The following ZNF385D variants were observed in gnomAD, a reference collection of about 807,000 sequenced individuals.
ZNF385D encodes zinc finger protein 385D.
ZNF385D carries 15 observed loss-of-function variants against 35.8 expected under a neutral mutation model. The observed-to-expected ratio is 0.42, with a 90% CI of 0.28 to 0.64. ZNF385D has a LOEUF of 0.64. Among genes scored for constraint, ZNF385D ranks in the 30% least tolerant of loss-of-function variants. The pLI is 0.23. For missense variants in ZNF385D, 474 were observed against 494.6 expected (o/e 0.96, Z 0.39); for synonymous variants, 212 against 186.8 (o/e 1.13, Z -1.10).
chr3:21,559,907 G>C (rs1257720055), intron 3 of ZNF385D, among the ~76,000 whole-genome samples: 2 of 151,772 alleles, frequency 1.3e-5, no homozygotes, highest in Admixed American at 1.3e-4. Context: ...TATTTAAGTT[G>C]ATCTTCAAGC....
At chr3:21,461,354 C>A (rs193101542) in intron 4 of ZNF385D, among the ~76,000 whole-genome samples, 53 of 152,134 alleles carry the variant, frequency 3.5e-4, no homozygotes, top group African/African-American at 1.2e-3. Context: ...TTTGAGACCA[C>A]CTAGCCAACA....
chr3:21,706,814 TGATAGATAGATAGATA>T (rs67457933), intron 1 of ZNF385D, among the ~76,000 whole-genome samples: 22,893 of 150,258 alleles, frequency 0.15, 1,987 homozygotes, highest in Admixed American at 0.26. Flanking sequence ...AGATAATAGA[TGATAGATAGATAGATA>T]GATAGATAGA....
intron 3 of ZNF385D, among the ~76,000 whole-genome samples, chr3:21,908,415 A>T (rs1448887767): frequency 2.0e-5 from 3 of 152,062 alleles, no homozygotes; most frequent in African/African-American, 4.8e-5. Flanking sequence ...ACCAAAAAGC[A>T]ATTCTGGGCA....
chr3:21,839,347 T>C (rs1451324032), intron 3 of ZNF385D, among the ~76,000 whole-genome samples: 3 of 152,118 alleles, frequency 2.0e-5, no homozygotes, highest in South Asian at 4.1e-4. Flanking sequence ...TGGTTTTGAC[T>C]TCACAGTCCA....
At chr3:21,764,675 G>A (rs1485072576) in intron 3 of ZNF385D, among the ~76,000 whole-genome samples, 1 of 152,134 alleles carries the variant, frequency 6.6e-6, no homozygotes, top group African/African-American at 2.4e-5. Flanking sequence ...ATACAAGAAT[G>A]AAAACTAAAC....
chr3:21,836,195 T>G (rs1368168998), intron 3 of ZNF385D, among the ~76,000 whole-genome samples: 1 of 152,060 alleles, frequency 6.6e-6, no homozygotes, highest in African/African-American at 2.4e-5. Context: ...AAAAACTGCT[T>G]TGGTCTATAA....
Position 21,734,539 on chromosome 3 carries a change from G to GA in ZNF385D, c.22+16355dup, listed in dbSNP as rs570536413. ...TTTACATTTTTGGAAATACAGTGGG[G>GA]AAAAAAAAAACTATGCATCAAGTAA... On this transcript the variant is annotated intron_variant, in intron 1 of 7. Transcript: ENST00000281523. Among the ~76,000 whole-genome samples, 1,102 of 147,272 alleles carry GA rather than the reference G, an allele frequency of 7.5e-3. 11 individuals are homozygous for GA. The highest frequency in any genetic ancestry group is 0.025 in the African/African-American group (1,026 of 40,328).
At chr3:21,623,049 G>A (rs977519766) in intron 2 of ZNF385D, among the ~76,000 whole-genome samples, 1 of 152,074 alleles carries the variant, frequency 6.6e-6, no homozygotes, top group South Asian at 2.1e-4. Context: ...TAACATGTTC[G>A]AGCACAGGGG....
intron 4 of ZNF385D, among the ~76,000 whole-genome samples, chr3:21,472,339 A>G (rs764129855): frequency 4.8e-4 from 73 of 152,268 alleles, no homozygotes; most frequent in Middle Eastern, 3.4e-3. Flanking sequence ...CCTAATGGCC[A>G]TGCTAAAGGA....
chr3:21,694,410 C>T (rs2067398453), intron 1 of ZNF385D, among the ~76,000 whole-genome samples: 1 of 152,016 alleles, frequency 6.6e-6, no homozygotes, highest in South Asian at 2.1e-4. Context: ...GGTACACACT[C>T]AAAAAGCACC....
At chr3:21,799,583 C>A (rs2125681247) in intron 3 of ZNF385D, among the ~76,000 whole-genome samples, 1 of 152,202 alleles carries the variant, frequency 6.6e-6, no homozygotes, top group South Asian at 2.1e-4. Flanking sequence ...GGAGGAAAGG[C>A]TATTCAAGTC....
At chr3:21,450,642 T>C (rs749200803) in intron 4 of ZNF385D, among the ~76,000 whole-genome samples, 7 of 152,168 alleles carry the variant, frequency 4.6e-5, no homozygotes, top group Non-Finnish European at 1.0e-4. Context: ...AAAAATACAA[T>C]GCTTTTCACC....
intron 3 of ZNF385D, among the ~76,000 whole-genome samples, chr3:21,864,147 T>G (rs1697205850): frequency 6.6e-6 from 1 of 152,116 alleles, no homozygotes; most frequent in Non-Finnish European, 1.5e-5. Flanking sequence ...AAGGGTTCAT[T>G]TTACAGTTGA....
intron 3 of ZNF385D, among the ~76,000 whole-genome samples, chr3:21,917,760 A>G (rs1700259468): frequency 6.6e-6 from 1 of 152,198 alleles, no homozygotes; most frequent in Non-Finnish European, 1.5e-5. Flanking sequence ...TTTACAAGTC[A>G]TATCTGTACC....
intron 3 of ZNF385D, among the ~76,000 whole-genome samples, chr3:22,089,222 C>T (rs918295530): frequency 6.6e-6 from 1 of 152,156 alleles, no homozygotes; most frequent in Non-Finnish European, 1.5e-5. Flanking sequence ...AAATACTCTC[C>T]TACTTTCTTC....
intron 5 of ZNF385D, among the ~76,000 whole-genome samples, chr3:21,426,963 A>C (rs1369223788): frequency 6.6e-6 from 1 of 152,190 alleles, no homozygotes; most frequent in Non-Finnish European, 1.5e-5. Context: ...TTCCATTCTT[A>C]TTAAAATGTT....
At chr3:21,713,937 C>T (rs1252813114) in intron 1 of ZNF385D, among the ~76,000 whole-genome samples, 1 of 152,138 alleles carries the variant, frequency 6.6e-6, no homozygotes, top group Non-Finnish European at 1.5e-5. Context: ...ATGGATCCTA[C>T]CACCTTTTCA....
chr3:21,507,778 G>GAAGCACATAGTAATA (rs1363721839), intron 4 of ZNF385D, among the ~76,000 whole-genome samples: 4 of 152,130 alleles, frequency 2.6e-5, no homozygotes, highest in Admixed American at 2.6e-4. Flanking sequence ...TCAGTATGAG[G>GAAGCACATAGTAATA]AAGCACATAG....
intron 2 of ZNF385D, among the ~76,000 whole-genome samples, chr3:22,252,355 G>T (rs1176902524): frequency 3.3e-5 from 5 of 151,944 alleles, no homozygotes; most frequent in Non-Finnish European, 2.9e-5. Context: ...AGTAAGTATC[G>T]ATTGTTGTGT....
Sources: gnomAD v4.1 joint callset for allele counts (sites outside exome capture counted in the v4.1 genomes callset) on GRCh38, gnomAD v4.1.1 for gene constraint, MANE v1.5 for transcripts, NCBI Gene and HGNC (gene_info 2026-07-23, HGNC 2026-07-21) for gene names.